MMRN2: variants seen among roughly 807,000 people sequenced by gnomAD.
The protein encoded by MMRN2 is multimerin-2.
MMRN2 carries 53 observed loss-of-function variants against 68.8 expected under a neutral mutation model. That is an observed-to-expected ratio of 0.77 (90% confidence interval 0.62 to 0.97). The LOEUF (loss-of-function observed/expected upper bound fraction) is 0.97. Among genes scored for constraint, MMRN2 ranks in the 50% least tolerant of loss-of-function variants. The pLI, the probability that MMRN2 is intolerant of heterozygous loss-of-function variation, is 0.00. For synonymous variants in MMRN2, 564 were observed against 551.6 expected (o/e 1.02, Z -0.32); for missense variants, 1,266 against 1,259.5 (o/e 1.01, Z -0.08).
In MMRN2 at chr10:86,943,638, C is replaced by T. The variant is rs1844018158; in HGVS notation, c.1146G>A (p.Glu382=). 2 of 1,613,472 alleles carry T rather than the reference C, an allele frequency of 1.2e-6. No homozygotes were observed. The highest frequency in any genetic ancestry group is 2.7e-5 in the African/African-American group (2 of 75,072). The change falls in exon 6 of 7, where the codon GAG becomes GAA. Residue 382 remains glutamate, a synonymous_variant. Coordinates refer to ENST00000372027, the MANE Select transcript of MMRN2 (RefSeq NM_024756.3). This position sits in a 1 kb window ranked among gnomAD's most constrained non-coding sequence, Gnocchi z 4.2. The part of the protein sequence containing the change: ...RLGQLQRNLS[E]LHMTTARREE... ...CCCTGCGGGCCGTGGTCATGTGCAG[C>T]TCTGAGAGGTTCCTCTGCAGCTGGC... is the stretch of plus-strand genomic sequence containing the variant.
rs1452006900 is a variant in MMRN2 at position 86,943,783 on chromosome 10, T to C, written c.1001A>G (p.Asp334Gly). The C allele has an allele frequency of 1.2e-6, 2 of 1,608,978 alleles. No homozygotes were observed. The highest frequency in any genetic ancestry group is 1.7e-6 in the Non-Finnish European group (2 of 1,179,928). The change falls in exon 6 of 7, where the codon GAC (aspartate) becomes GGC (glycine). Residue 334 changes from aspartate to glycine, a missense_variant. Coordinates refer to ENST00000372027, the MANE Select transcript of MMRN2 (RefSeq NM_024756.3). This position sits in a 1 kb window ranked among gnomAD's most constrained non-coding sequence, Gnocchi z 4.2. Reference protein sequence around the residue: ...RSISELQADVDTKLKRLHKAQ... With the variant: ...RSISELQADVGTKLKRLHKAQ... ...CTTGTGCAGCCTCTTCAATTTGGTGTCCACATCGGCTTGGAGCTCTGAGAT... is the reference window on the plus strand; with the variant it reads ...CTTGTGCAGCCTCTTCAATTTGGTGCCCACATCGGCTTGGAGCTCTGAGAT...
At position 86,937,997 on chromosome 10, in the gene MMRN2, C is replaced by T. The variant is rs183630357; in HGVS notation, c.2468-872G>A. Among the ~76,000 whole-genome samples the T allele has an allele frequency of 3.9e-5, 6 of 152,114 alleles. No homozygotes were observed. In the East Asian group the frequency reaches 5.8e-4, roughly 15 times the overall value. On this transcript the variant is annotated intron_variant, in intron 6 of 6. Coordinates refer to ENST00000372027, the MANE Select transcript of MMRN2 (RefSeq NM_024756.3). ...TGTTGCCCAGACTGGAGTGCATTGGCGATCATGGCTCACTGCAGCCTCAAC... is the reference window on the plus strand; with the variant it reads ...TGTTGCCCAGACTGGAGTGCATTGGTGATCATGGCTCACTGCAGCCTCAAC...
chr10:86,940,439 CAA>C (rs1218042268), intron 6 of MMRN2, among the ~76,000 whole-genome samples: 4 of 152,158 alleles, frequency 2.6e-5, no homozygotes, highest in Non-Finnish European at 4.4e-5. Context: ...CGAGAGGAAA[CAA>C]GAGAGAAGTG....
rs141174803 is a variant in MMRN2, at chr10:86,945,393, G to A, written c.377C>T (p.Thr126Met). The change falls in exon 3 of 7, where the codon ACG (threonine) becomes ATG (methionine). Residue 126 changes from threonine (T) to methionine (M), a missense_variant. Coordinates refer to ENST00000372027, the MANE Select transcript of MMRN2 (RefSeq NM_024756.3). ...ACCGTGGTGCTCGCAGTTGGGGCCC[G>A]TGTAGCCAGGGCAGCACCTCCAGGC... ...SLAWRCCPGY[T>M]GPNCEHHDSM... is the part of the protein sequence containing the mutation. 253 of 1,585,930 alleles carry A rather than the reference G, an allele frequency of 1.6e-4. No individual in the cohort carries two copies. Among genetic ancestry groups the A allele is most frequent in the African/African-American group, 1.6e-3 (116 of 74,640 alleles).
At chr10:86,939,251 C>T (rs1374380677) in intron 6 of MMRN2, among the ~76,000 whole-genome samples, 2 of 151,452 alleles carry the variant, frequency 1.3e-5, no homozygotes, top group East Asian at 3.9e-4. Context: ...ATCACGAGGT[C>T]AGGAGATAGA....
At chr10:86,941,633 A>T (rs1843967844) in intron 6 of MMRN2, among the ~76,000 whole-genome samples, 1 of 151,876 alleles carries the variant, frequency 6.6e-6, no homozygotes, top group Non-Finnish European at 1.5e-5. Flanking sequence ...CCCTGTCTCT[A>T]CAAAAAGTAC....
intron 1 of MMRN2, among the ~76,000 whole-genome samples, chr10:86,948,505 C>A (rs145225104): frequency 1.3e-5 from 2 of 151,840 alleles, no homozygotes; most frequent in South Asian, 2.1e-4. Flanking sequence ...TTAATGGAAA[C>A]GTTAGAGGGT....
At chr10:86,948,553 G>A (rs760894452) in intron 1 of MMRN2, 1 of 152,142 alleles carries the variant, frequency 6.6e-6, no homozygotes, top group Non-Finnish European at 1.5e-5. Context: ...CAAACAGAGA[G>A]ATGAAAATTG....
Position 86,945,825 on chromosome 10 carries a change from C to T in MMRN2, c.165-136G>A, listed in dbSNP as rs761631619. On this transcript the variant is annotated intron_variant, in intron 1 of 6. Transcript: ENST00000372027. ...GAATCCATTATCCTGAGAAGAGAGCCTTCCGCATTATTCATCCCTGGGCTC... is the reference window on the plus strand; with the variant it reads ...GAATCCATTATCCTGAGAAGAGAGCTTTCCGCATTATTCATCCCTGGGCTC... The T allele has an allele frequency of 7.4e-6, 11 of 1,496,054 alleles. No homozygotes were observed. The African/African-American group carries it at 1.5e-4, about 21-fold the overall frequency. The allele number at this position is 1,496,054 out of a possible 1,614,324, so 92.7% of individuals were successfully genotyped here.
Position 86,936,094 on chromosome 10 carries a change from T to A in MMRN2, c.*649A>T, listed in dbSNP as rs1408363083. On this transcript the variant is annotated 3_prime_UTR_variant, in exon 7 of 7. Coordinates refer to ENST00000372027, the MANE Select transcript of MMRN2 (RefSeq NM_024756.3). ...CCTGATCTCTCCCTTGATGTGGGGA[T>A]TATAGGGATTACAATTCAAGATGAT... 1 of 227,674 alleles carries A rather than the reference T, an allele frequency of 4.4e-6. No homozygotes were observed. The highest frequency in any genetic ancestry group is 2.2e-5 in the African/African-American group (1 of 44,636). 14.1% of individuals were successfully genotyped at this position (227,674 alleles called of 1,614,324 possible). A position where few individuals can be genotyped will look rare whatever the true frequency, so the allele number is the denominator to read the frequency against.
Position 86,944,139 on chromosome 10 carries a change from C to T in MMRN2, c.656-11G>A. 2 of 1,610,420 alleles carry T rather than the reference C, an allele frequency of 1.2e-6. No homozygotes were observed. The highest frequency in any genetic ancestry group is 1.3e-5 in the African/African-American group (1 of 74,952). The stretch of plus-strand genomic sequence containing the variant: ...ATCTATCAGGGAACTCTGCAACAGA[C>T]ATGTGGTGTGACACAAGCCCTGCAG... On this transcript the variant is annotated splice_polypyrimidine_tract_variant and intron_variant, in intron 5 of 6. Transcript: ENST00000372027.
In MMRN2 at chr10:86,942,368, G is replaced by T; in HGVS notation, c.2416C>A (p.Arg806=). Residue 806 remains arginine, a synonymous_variant, in exon 6 of 7, where the codon CGG becomes AGG. Coordinates refer to ENST00000372027, the MANE Select transcript of MMRN2 (RefSeq NM_024756.3). ...GCACCTGGCACAGGCCCTGTGACCCGTATGTCCACCAAAGGCTCCGCTTCC... is the reference window on the plus strand; with the variant it reads ...GCACCTGGCACAGGCCCTGTGACCCTTATGTCCACCAAAGGCTCCGCTTCC... ...KKEAEPLVDI[R]VTGPVPGALG... 6.2e-7 allele frequency: 1 copy of T among 1,614,080 alleles called. No homozygotes were observed. The highest frequency in any genetic ancestry group is 8.5e-7 in the Non-Finnish European group (1 of 1,179,978).
At position 86,952,994 on chromosome 10, in the gene MMRN2, C is replaced by T. The variant is rs191544006; in HGVS notation, c.164+4384G>A. Among the ~76,000 whole-genome samples the T allele has an allele frequency of 6.6e-5, 10 of 152,230 alleles. 1 individual carries two copies. The highest frequency in any genetic ancestry group is 9.6e-5 in the African/African-American group (4 of 41,540). Reference sequence around the variant, plus strand: ...ATTCCTTGCTAGGAAAAGAATTTAGCGATATCTCTCCTACTTGCATATCCG... The same window carrying T: ...ATTCCTTGCTAGGAAAAGAATTTAGTGATATCTCTCCTACTTGCATATCCG... On this transcript the variant is annotated intron_variant, in intron 1 of 6. Coordinates refer to ENST00000372027, the MANE Select transcript of MMRN2 (RefSeq NM_024756.3).
intron 6 of MMRN2, among the ~76,000 whole-genome samples, chr10:86,940,119 T>A (rs1237014588): frequency 6.6e-6 from 1 of 151,740 alleles, no homozygotes; most frequent in Admixed American, 6.6e-5. Flanking sequence ...TTCAAGTGAT[T>A]CTCCTGTCTC....
In MMRN2 at chr10:86,945,616, G is replaced by T. The variant is rs753693538; in HGVS notation, c.238C>A (p.His80Asn). The change falls in exon 2 of 7, where the codon CAC (histidine) becomes AAC (asparagine). Residue 80 changes from histidine to asparagine, a missense_variant. Transcript: ENST00000372027. ...CCCTGCGGACACGGCTGCTGCGAGTGGATGAGGAATTTCTCTGTTTTGCAA... is the reference window on the plus strand; with the variant it reads ...CCCTGCGGACACGGCTGCTGCGAGTTGATGAGGAATTTCTCTGTTTTGCAA... ...ALCKTEKFLI[H>N]SQQPCPQGAP... The T allele has an allele frequency of 6.2e-7, 1 of 1,613,570 alleles. No individual in the cohort carries two copies. The highest frequency in any genetic ancestry group is 1.7e-4 in the Middle Eastern group (1 of 6,060).
At chr10:86,952,114 C>T (rs1840544060) in intron 1 of MMRN2, among the ~76,000 whole-genome samples, 1 of 152,126 alleles carries the variant, frequency 6.6e-6, no homozygotes, top group Non-Finnish European at 1.5e-5. Flanking sequence ...AAGACCGACT[C>T]CAAAGCCAAG....
At position 86,937,079 on chromosome 10, in the gene MMRN2, G is replaced by A; in HGVS notation, c.2514C>T (p.Ala838=). 6.2e-7 allele frequency: 1 copy of A among 1,614,202 alleles called. No homozygotes were observed. Among genetic ancestry groups the A allele is most frequent in the Non-Finnish European group, 8.5e-7 (1 of 1,180,040 alleles). The part of the protein sequence containing the change: ...FYASFSEGTA[A]LQTVKFNTTY... ...TGGTGTTGAACTTCACTGTCTGCAG[G>A]GCAGCCGTCCCTTCTGAAAAGCTGG... The change falls in exon 7 of 7, where the codon GCC becomes GCT. Residue 838 remains alanine (A), a synonymous_variant. Transcript: ENST00000372027.
intron 1 of MMRN2, among the ~76,000 whole-genome samples, chr10:86,952,536 G>A (rs1035963202): frequency 4.6e-5 from 7 of 152,174 alleles, no homozygotes; most frequent in Admixed American, 1.3e-4. Flanking sequence ...ATCACCTATC[G>A]GTAGGACTGT....
intron 1 of MMRN2, among the ~76,000 whole-genome samples, chr10:86,946,061 TC>T (rs1844064341): frequency 6.6e-6 from 1 of 152,218 alleles, no homozygotes; most frequent in Admixed American, 6.5e-5. Flanking sequence ...CTGCATGGAT[TC>T]CCTTTGGTGA....
Sources: allele counts gnomAD v4.1 joint callset (sites outside exome capture counted in the v4.1 genomes callset), GRCh38; gene constraint gnomAD v4.1.1; non-coding constraint Gnocchi (gnomAD v3.1); transcripts MANE v1.5; gene names NCBI Gene and HGNC (gene_info 2026-07-23, HGNC 2026-07-21).